SNX24: variants seen among roughly 807,000 people sequenced by gnomAD.
SNX24 encodes the protein sorting nexin 24.
In SNX24, 22 loss-of-function variants were observed where a neutral mutation model predicts 28.7. The ratio of observed to expected loss-of-function variants is 0.77; its 90% CI spans 0.55 to 1.10. The LOEUF (loss-of-function observed/expected upper bound fraction) is 1.10. Among genes scored for constraint, SNX24 ranks in the 50% least tolerant of loss-of-function variants. The pLI, the probability that SNX24 is intolerant of heterozygous loss-of-function variation, is 0.00. For synonymous variants in SNX24, 69 were observed against 71.5 expected (o/e 0.96, Z 0.18); for missense variants, 221 against 201.1 (o/e 1.10, Z -0.60).
At chr5:122,924,997 T>G (rs1758617604) in intron 1 of SNX24, among the ~76,000 whole-genome samples, 1 of 148,920 alleles carries the variant, frequency 6.7e-6, no homozygotes, top group African/African-American at 2.5e-5. Context: ...TCTCCCCTCT[T>G]TCCCCTTCGT....
intron 1 of SNX24, among the ~76,000 whole-genome samples, chr5:122,867,034 A>G (rs527797768): frequency 6.6e-6 from 1 of 152,266 alleles, no homozygotes; most frequent in South Asian, 2.1e-4. Flanking sequence ...GGACCTATCA[A>G]TCCTGGCTAT....
At chr5:122,969,755 A>T (rs1246331078) in intron 3 of SNX24, among the ~76,000 whole-genome samples, 1 of 152,074 alleles carries the variant, frequency 6.6e-6, no homozygotes, top group African/African-American at 2.4e-5. Flanking sequence ...ACGATAGGAG[A>T]CTAATCCTGG....
At chr5:122,974,639 C>T (rs537989915) in intron 3 of SNX24, among the ~76,000 whole-genome samples, 3 of 152,310 alleles carry the variant, frequency 2.0e-5, no homozygotes, top group East Asian at 1.9e-4. Context: ...TAAGCTTATG[C>T]GAATACACTG....
intron 1 of SNX24, among the ~76,000 whole-genome samples, chr5:122,869,820 G>GA (rs1213743709): frequency 1.3e-5 from 2 of 151,446 alleles, no homozygotes; most frequent in African/African-American, 2.4e-5. Context: ...AGATAGCATT[G>GA]AAAAAAGCAG....
At chr5:123,018,128 A>G (rs1762712020) in intron 5 of SNX24, among the ~76,000 whole-genome samples, 2 of 151,936 alleles carry the variant, frequency 1.3e-5, no homozygotes, top group African/African-American at 4.8e-5. Flanking sequence ...AGAGCCCCAC[A>G]TTGAGTACCC....
intron 1 of SNX24, among the ~76,000 whole-genome samples, chr5:122,879,118 G>A (rs1756363479): frequency 2.0e-5 from 3 of 152,110 alleles, no homozygotes; most frequent in Non-Finnish European, 4.4e-5. Context: ...ATTCTAACAT[G>A]TAATCTGTGT....
At position 122,890,260 on chromosome 5, in the gene SNX24, A is replaced by G. The variant is rs191135109; in HGVS notation, c.60+44567A>G. Among the ~76,000 whole-genome samples, 450 of 152,110 alleles carry G rather than the reference A, an allele frequency of 3.0e-3. 4 individuals are homozygous for G. Among genetic ancestry groups the G allele is most frequent in the African/African-American group, 0.01 (420 of 41,484 alleles). ...TTTGATGTTTTCTCTGTTGTCTATG[A>G]TGGTTTTTTTTCCTTTTATAATTAT... On this transcript the variant is annotated intron_variant, in intron 1 of 6. Coordinates refer to ENST00000261369, the MANE Select transcript of SNX24 (RefSeq NM_014035.4).
chr5:122,881,144 G>T (rs1756461985), intron 1 of SNX24, among the ~76,000 whole-genome samples: 1 of 152,216 alleles, frequency 6.6e-6, no homozygotes, highest in African/African-American at 2.4e-5. Flanking sequence ...GACAGCAGGA[G>T]TGTGTGCAGA....
chr5:122,993,051 A>G (rs899917891), intron 3 of SNX24, among the ~76,000 whole-genome samples: 1 of 150,456 alleles, frequency 6.6e-6, no homozygotes, highest in Admixed American at 6.7e-5. Flanking sequence ...CCTTTTCGGC[A>G]TTCAGCGTTT....
At chr5:123,028,846 C>G (rs765076245) in intron 5 of SNX24, 1 of 1,612,048 alleles carries the variant, frequency 6.2e-7, no homozygotes, top group African/African-American at 1.3e-5. Flanking sequence ...ATGAAACTTG[C>G]TTCCTTTATA....
intron 3 of SNX24, among the ~76,000 whole-genome samples, chr5:122,984,580 T>C (rs576180640): frequency 1.3e-5 from 2 of 152,314 alleles, no homozygotes; most frequent in African/African-American, 4.8e-5. Context: ...TAAGGAAATA[T>C]CAGTGAGACA....
intron 5 of SNX24, chr5:123,022,921 A>G (rs1018914642): frequency 3.9e-5 from 6 of 152,436 alleles, no homozygotes; most frequent in Non-Finnish European, 8.8e-5. Flanking sequence ...CTCCCACCTC[A>G]GCCTCCTGAG....
chr5:122,894,525 A>T (rs1757118621), intron 1 of SNX24, among the ~76,000 whole-genome samples: 1 of 152,198 alleles, frequency 6.6e-6, no homozygotes, highest in Admixed American at 6.5e-5. Context: ...TGACTGAACC[A>T]TCATTTATCC....
chr5:122,963,687 G>A (rs1021286748), intron 3 of SNX24, among the ~76,000 whole-genome samples: 1 of 152,120 alleles, frequency 6.6e-6, no homozygotes, highest in Non-Finnish European at 1.5e-5. Flanking sequence ...AAAAGAACTA[G>A]CTTTTGTAGT....
chr5:122,920,651 A>G (rs1486809433), intron 1 of SNX24, among the ~76,000 whole-genome samples: 1 of 152,170 alleles, frequency 6.6e-6, no homozygotes, highest in Non-Finnish European at 1.5e-5. Flanking sequence ...AAATCCCCAG[A>G]TGTTATAGAT....
chr5:122,972,706 T>TGC (rs1439756919), intron 3 of SNX24, among the ~76,000 whole-genome samples: 1 of 152,216 alleles, frequency 6.6e-6, no homozygotes, highest in African/African-American at 2.4e-5. Context: ...AAGCATTGCG[T>TGC]GCAGGATAGG....
chr5:123,008,232 G>A lies in SNX24; in HGVS notation c.*483G>A, dbSNP rs75897246. The A allele has an allele frequency of 1.3e-4, 125 of 985,676 alleles. No individual in the cohort carries two copies. The East Asian group carries it at 0.011, about 87-fold the overall frequency. The allele number at this position is 985,676 out of a possible 1,614,324, so 61.1% of individuals were successfully genotyped here. On this transcript the variant is annotated 3_prime_UTR_variant, in exon 7 of 7. Coordinates refer to ENST00000261369, the MANE Select transcript of SNX24 (RefSeq NM_014035.4). ...TTCTGAAATGCTGGCACCAGGAGACGGCCACAGACACACACTGCTAAATGT... is the reference window on the plus strand; with the variant it reads ...TTCTGAAATGCTGGCACCAGGAGACAGCCACAGACACACACTGCTAAATGT...
At chr5:122,849,931 T>G (rs1234074440) in intron 1 of SNX24, among the ~76,000 whole-genome samples, 1 of 151,234 alleles carries the variant, frequency 6.6e-6, no homozygotes, top group Non-Finnish European at 1.5e-5. Flanking sequence ...GCTCAGAGAG[T>G]TAGGTGGAGG....
intron 3 of SNX24, among the ~76,000 whole-genome samples, chr5:122,954,786 C>T (rs773305348): frequency 6.6e-6 from 1 of 151,732 alleles, no homozygotes; most frequent in Non-Finnish European, 1.5e-5. Context: ...TTTAAAAAGG[C>T]TGTTTTCAAT....
Sources: allele counts gnomAD v4.1 joint callset (sites outside exome capture counted in the v4.1 genomes callset), GRCh38; gene constraint gnomAD v4.1.1; transcripts MANE v1.5; gene names NCBI Gene and HGNC (gene_info 2026-07-23, HGNC 2026-07-21).